Variants in BCL3 observed in about 807,000 individuals in gnomAD.
The protein encoded by BCL3 is BCL3 transcription coactivator, also known as B-cell lymphoma 3 protein.
In BCL3, 15 loss-of-function variants were observed where a neutral mutation model predicts 35.7. That is an observed-to-expected ratio of 0.42 (90% confidence interval 0.28 to 0.65). The LOEUF (loss-of-function observed/expected upper bound fraction) is 0.65. BCL3 is among the 30% of genes least tolerant of loss of function. The pLI is 0.22. For missense variants in BCL3, 565 were observed against 641.7 expected (o/e 0.88, Z 1.29); for synonymous variants, 311 against 284.3 (o/e 1.09, Z -0.95).
Position 44,758,251 on chromosome 19 carries a change from C to G in BCL3, c.897C>G (p.Gly299=). 1 of 1,495,206 alleles carries G rather than the reference C, an allele frequency of 6.7e-7. No homozygotes were observed. 92.6% of individuals were successfully genotyped at this position (1,495,206 alleles called of 1,614,324 possible). The change falls in exon 7 of 9, where the codon GGC becomes GGG. Residue 299 remains glycine (G), a synonymous_variant. Coordinates refer to ENST00000164227, the MANE Select transcript of BCL3 (RefSeq NM_005178.5). ...CCGGCCCTCCCGTCCCGCAGCACGG[C>G]GCCAACGTGAACGCGCAAATGTACT... ...LSMVQLLLQH[G]ANVNAQMYSG...
Position 44,757,227 on chromosome 19 carries a change from C to T in BCL3, c.724+6C>T. 1.3e-6 allele frequency: 2 copies of T among 1,549,506 alleles called. No individual in the cohort carries two copies. The highest frequency in any genetic ancestry group is 8.8e-7 in the Non-Finnish European group (1 of 1,142,822). On this transcript the variant is annotated splice_donor_region_variant and intron_variant, in intron 4 of 8. Coordinates refer to ENST00000164227, the MANE Select transcript of BCL3 (RefSeq NM_005178.5). This position sits in a 1 kb window ranked among gnomAD's most constrained non-coding sequence, Gnocchi z 8.4. ...GGAGGCCCGCAATTATGACGGTAAG[C>T]ATTTACCGCGGGGCACCGCTGGGCT...
rs374794948 is a variant in BCL3, at chr19:44,758,552, G to T, written c.1059+139G>T. 9 of 1,314,364 alleles carry T rather than the reference G, an allele frequency of 6.8e-6. No individual in the cohort carries two copies. The African/African-American group carries it at 1.2e-4, about 17-fold the overall frequency. 81.4% of individuals were successfully genotyped at this position (1,314,364 alleles called of 1,614,324 possible). ...GGAGTGGGTGAGCCTCTGAAAGCGC[G>T]GGTGTGAGTTCCAGAAATGAGGAGA... is the stretch of plus-strand genomic sequence containing the variant. On this transcript the variant is annotated intron_variant, in intron 7 of 8. Coordinates refer to ENST00000164227, the MANE Select transcript of BCL3 (RefSeq NM_005178.5).
In BCL3 at chr19:44,757,241, C is replaced by A. The variant is rs1327112430; in HGVS notation, c.724+20C>A. On this transcript the variant is annotated intron_variant, in intron 4 of 8. Coordinates refer to ENST00000164227, the MANE Select transcript of BCL3 (RefSeq NM_005178.5). This position sits in a 1 kb window ranked among gnomAD's most constrained non-coding sequence, Gnocchi z 8.4. Reference sequence around the variant, plus strand: ...ATGACGGTAAGCATTTACCGCGGGGCACCGCTGGGCTGTCCAGCGGACCTG... The same window carrying A: ...ATGACGGTAAGCATTTACCGCGGGGAACCGCTGGGCTGTCCAGCGGACCTG... 1 of 1,545,222 alleles carries A rather than the reference C, an allele frequency of 6.5e-7. No homozygotes were observed. Among genetic ancestry groups the A allele is most frequent in the African/African-American group, 1.4e-5 (1 of 73,118 alleles).
At chr19:44,756,552 CCTGGGCTCCTGAGTCTG>C in intron 3 of BCL3, among the ~76,000 whole-genome samples, 1 of 111,718 alleles carries the variant, frequency 9.0e-6, no homozygotes, top group African/African-American at 5.6e-5. Context: ...AGGGCTGGGT[CCTGGGCTCCTGAGTCTG>C]AGGGAGGAGG....
intron 1 of BCL3, among the ~76,000 whole-genome samples, chr19:44,749,292 G>T (rs1392747180): frequency 2.0e-5 from 3 of 150,630 alleles, no homozygotes; most frequent in Admixed American, 2.0e-4. Flanking sequence ...CGTGGGGGGG[G>T]GGGGGCCAGG....
upstream of BCL3, chr19:44,748,016 TCG>T (rs1466340999): frequency 2.3e-6 from 3 of 1,310,386 alleles, no homozygotes. Flanking sequence ...GGGAGAGGAA[TCG>T]TTCCTGGCCG....
chr19:44,748,631 C>CG (rs947855046), upstream of BCL3: 42 of 915,566 alleles, frequency 4.6e-5, no homozygotes, highest in East Asian at 9.7e-4. Flanking sequence ...CGGGTGGCCC[C>CG]GGGGGGGCCG....
rs200468364 is a variant in BCL3, at chr19:44,759,537, C to G, written c.1287C>G (p.Pro429=). Residue 429 remains proline (P), a synonymous_variant, in exon 9 of 9, where the codon CCC becomes CCG. Transcript: ENST00000164227. The stretch of plus-strand genomic sequence containing the variant: ...TCTTCCTTCCTTCCCCATCTCCACC[C>G]GCCTTCCTGCCCTTTGCTGGGGTCC... ...PNFFLPSPSP[P]AFLPFAGVLR... is the part of the protein sequence containing the mutation. 7 of 1,613,478 alleles carry G rather than the reference C, an allele frequency of 4.3e-6. No individual in the cohort carries two copies. The highest frequency in any genetic ancestry group is 5.1e-6 in the Non-Finnish European group (6 of 1,179,860).
rs1486802548 is a variant in BCL3 at position 44,758,713 on chromosome 19, T to G, written c.1060-11T>G. The G allele has an allele frequency of 6.3e-7, 1 of 1,585,770 alleles. No homozygotes were observed. Among genetic ancestry groups the G allele is most frequent in the Admixed American group, 1.8e-5 (1 of 56,938 alleles). On this transcript the variant is annotated splice_polypyrimidine_tract_variant and intron_variant, in intron 7 of 8. Transcript: ENST00000164227. ...ATGGGTGGCTCTATGGTCACGCCCA[T>G]CTTCCTACAGGTCATCGACATCCTG... is the stretch of plus-strand genomic sequence containing the variant.
intron 1 of BCL3, among the ~76,000 whole-genome samples, chr19:44,750,269 G>A (rs982337116): frequency 2.7e-5 from 4 of 148,246 alleles, no homozygotes; most frequent in African/African-American, 7.7e-5. Flanking sequence ...TTTGCCTGCT[G>A]CCATGGTCCC....
chr19:44,753,138 T>A (rs1037332747), intron 2 of BCL3, among the ~76,000 whole-genome samples: 4 of 152,110 alleles, frequency 2.6e-5, no homozygotes, highest in Non-Finnish European at 4.4e-5. Context: ...TGGAAATGGG[T>A]AATGTTTGAG....
intron 3 of BCL3, 76 bp downstream of exon 3, chr19:44,756,416 C>A (rs1352252741): frequency 1.9e-6 from 2 of 1,056,560 alleles, no homozygotes; most frequent in Non-Finnish European, 2.5e-6. Flanking sequence ...GGGGCCTGAA[C>A]TCCTGGGTCT....
chr19:44,752,148 C>T (rs1275327861), intron 2 of BCL3, among the ~76,000 whole-genome samples: 9 of 151,994 alleles, frequency 5.9e-5, no homozygotes, highest in Non-Finnish European at 1.3e-4. Context: ...AAACAATACT[C>T]GCCCTTACTA....
In BCL3 at chr19:44,756,356, A is replaced by G; in HGVS notation, c.519+16A>G. 7.3e-7 allele frequency: 1 copy of G among 1,375,742 alleles called. No homozygotes were observed. 85.2% of individuals were successfully genotyped at this position (1,375,742 alleles called of 1,614,324 possible). A position where few individuals can be genotyped will look rare whatever the true frequency, so the allele number is the denominator to read the frequency against. On this transcript the variant is annotated intron_variant, in intron 3 of 8. Coordinates refer to ENST00000164227, the MANE Select transcript of BCL3 (RefSeq NM_005178.5). ...CCTACGGCAGGTGAGGCTCGGTCTG[A>G]GGGAGGAGGGCTGGGGCCTGGACTC...
At chr19:44,751,434 A>G in intron 2 of BCL3, 54 bp downstream of exon 2, 10 of 1,500,812 alleles carry the variant, frequency 6.7e-6, no homozygotes, top group Non-Finnish European at 8.0e-6. Context: ...CCAGCCGTCC[A>G]TAACACAGGG....
chr19:44,749,080 A>C, intron 1 of BCL3, 34 bp downstream of exon 1: 1 of 1,191,148 alleles, frequency 8.4e-7, no homozygotes, highest in Non-Finnish European at 1.1e-6. Flanking sequence ...GCCGGGTGGG[A>C]TCCACACAGA....
At position 44,758,882 on chromosome 19, in the gene BCL3, C is replaced by T. The variant is rs551189279; in HGVS notation, c.1177+41C>T. 9.4e-6 allele frequency: 14 copies of T among 1,483,506 alleles called. No individual in the cohort carries two copies. The South Asian group carries it at 1.3e-4, about 14-fold the overall frequency. 91.9% of individuals were successfully genotyped at this position (1,483,506 alleles called of 1,614,324 possible). ...CAACCTCCAGCCCTGGCGCCTCCTCCCTCAGACCCAGGAATCCCAACCCAC... is the reference window on the plus strand; with the variant it reads ...CAACCTCCAGCCCTGGCGCCTCCTCTCTCAGACCCAGGAATCCCAACCCAC... On this transcript the variant is annotated intron_variant, in intron 8 of 8. Transcript: ENST00000164227.
Position 44,748,730 on chromosome 19 carries a change from G to A in BCL3, c.-61G>A. On this transcript the variant is annotated 5_prime_UTR_variant, in exon 1 of 9. Coordinates refer to ENST00000164227, the MANE Select transcript of BCL3 (RefSeq NM_005178.5). ...TGCAGGGGAAGTCCCGGCGCCCGGC[G>A]AAACCACCCTCCCGTGCAGCCGAGC... 9.3e-7 allele frequency: 1 copy of A among 1,069,670 alleles called. No homozygotes were observed. Among genetic ancestry groups the A allele is most frequent in the Non-Finnish European group, 1.1e-6 (1 of 884,924 alleles). The allele number at this position is 1,069,670 out of a possible 1,614,324, so 66.3% of individuals were successfully genotyped here.
intron 2 of BCL3, among the ~76,000 whole-genome samples, chr19:44,753,176 T>C (rs1430303125): frequency 6.6e-6 from 1 of 152,138 alleles, no homozygotes; most frequent in Non-Finnish European, 1.5e-5. Context: ...TTGCAGGCCA[T>C]CTCCAGAGCC....
Sources: allele counts gnomAD v4.1 joint callset (sites outside exome capture counted in the v4.1 genomes callset), GRCh38; gene constraint gnomAD v4.1.1; non-coding constraint Gnocchi (gnomAD v3.1); transcripts MANE v1.5; gene names NCBI Gene and HGNC (gene_info 2026-07-23, HGNC 2026-07-21).